COLGALT1: variants seen among roughly 807,000 people sequenced by gnomAD.
COLGALT1 encodes the protein collagen beta(1-O)galactosyltransferase 1.
COLGALT1 carries 43 observed loss-of-function variants against 60.8 expected under a neutral mutation model. The ratio of observed to expected loss-of-function variants is 0.71; its 90% CI spans 0.55 to 0.91. The LOEUF is 0.91. COLGALT1 is among the 40% of genes least tolerant of loss of function. COLGALT1 has a pLI of 0.00. For missense variants in COLGALT1, 845 were observed against 880.0 expected, an observed-to-expected ratio of 0.96 and a Z score of 0.50; for synonymous variants, 369 against 374.2, an observed-to-expected ratio of 0.99 and a Z score of 0.16.
intron 3 of COLGALT1, among the ~76,000 whole-genome samples, chr19:17,563,787 C>G (rs1027545020): frequency 7.2e-5 from 11 of 152,082 alleles, no homozygotes; most frequent in Non-Finnish European, 1.0e-4. Context: ...AGCCACTGCG[C>G]CTGGTCACAA....
At chr19:17,578,286 T>C (rs942584729) in intron 9 of COLGALT1, among the ~76,000 whole-genome samples, 197 bp downstream of exon 9, 4 of 152,108 alleles carry the variant, frequency 2.6e-5, no homozygotes. Context: ...CATCCTTCCA[T>C]TGCGCAAATG....
At chr19:17,564,039 C>T (rs1243913492) in intron 3 of COLGALT1, among the ~76,000 whole-genome samples, 1 of 146,496 alleles carries the variant, frequency 6.8e-6, no homozygotes, top group Non-Finnish European at 1.5e-5. Flanking sequence ...AGTTCAAAAC[C>T]AGCCTGGGCA....
chr19:17,559,250 C>A, intron 1 of COLGALT1, 61 bp from the exon 2 acceptor site: 1 of 1,244,610 alleles, frequency 8.0e-7, no homozygotes, highest in Non-Finnish European at 1.2e-6. Context: ...TGACTTGCCT[C>A]ACTGCTGCCT....
chr19:17,563,236 G>A (rs2076259766), intron 3 of COLGALT1, among the ~76,000 whole-genome samples: 1 of 147,944 alleles, frequency 6.8e-6, no homozygotes, highest in African/African-American at 2.5e-5. Flanking sequence ...TGTCGCCCAG[G>A]CTGGAGTGCA....
chr19:17,572,604 T>G lies in COLGALT1; in HGVS notation c.949+2T>G. 1 of 1,613,744 alleles carries G rather than the reference T, an allele frequency of 6.2e-7. No individual in the cohort carries two copies. The highest frequency in any genetic ancestry group is 8.5e-7 in the Non-Finnish European group (1 of 1,179,996). ...TGCATGTGCAGCTGGAGGTCATGGG[T>G]GAGTCTGCCTGCACACCGCCCTGGG... On this transcript the variant is annotated splice_donor_variant, in intron 6 of 11. Coordinates refer to ENST00000252599, the MANE Select transcript of COLGALT1 (RefSeq NM_024656.4). LOFTEE classifies it high-confidence loss of function.
intron 11 of COLGALT1, 94 bp downstream of exon 11, chr19:17,580,999 C>T: frequency 1.3e-6 from 2 of 1,488,064 alleles, no homozygotes; most frequent in Non-Finnish European, 1.8e-6. Flanking sequence ...GAGAAGATGT[C>T]TCTTCTTTTG....
rs1244119303 is a variant in COLGALT1, at chr19:17,568,721, C to T, written c.829+8C>T. 1 of 1,613,850 alleles carries T rather than the reference C, an allele frequency of 6.2e-7. No homozygotes were observed. The highest frequency in any genetic ancestry group is 8.5e-7 in the Non-Finnish European group (1 of 1,179,756). The stretch of plus-strand genomic sequence containing the variant: ...TCTCCTGCAAGCAGGCAGGTACGTA[C>T]ATGAGGGGTCTGCCATCGCAGGGGC... On this transcript the variant is annotated splice_region_variant and intron_variant, in intron 5 of 11. Coordinates refer to ENST00000252599, the MANE Select transcript of COLGALT1 (RefSeq NM_024656.4).
At chr19:17,562,082 G>T (rs1356976631) in intron 3 of COLGALT1, among the ~76,000 whole-genome samples, 5 of 152,188 alleles carry the variant, frequency 3.3e-5, no homozygotes, top group Non-Finnish European at 5.9e-5. Flanking sequence ...TGTTGGCCAG[G>T]CTGGTCTCTA....
intron 6 of COLGALT1, among the ~76,000 whole-genome samples, chr19:17,576,089 T>C (rs1453710939): frequency 6.6e-6 from 1 of 152,220 alleles, no homozygotes; most frequent in Non-Finnish European, 1.5e-5. Flanking sequence ...ATTTCTTGGT[T>C]CATTCTACAA....
chr19:17,577,538 G>C, intron 8 of COLGALT1, 71 bp downstream of exon 8: 2 of 1,328,860 alleles, frequency 1.5e-6, no homozygotes, highest in Non-Finnish European at 2.0e-6. Flanking sequence ...GCTGGTAGAC[G>C]GCAAGTGATT....
intron 6 of COLGALT1, among the ~76,000 whole-genome samples, chr19:17,573,819 A>G (rs370503387): frequency 2.6e-5 from 4 of 151,870 alleles, no homozygotes; most frequent in Middle Eastern, 3.4e-3. Context: ...TTTACCAAAA[A>G]AAAATAACAA....
At chr19:17,580,363 G>A (rs2076372746) in intron 10 of COLGALT1, 2 of 403,238 alleles carry the variant, frequency 5.0e-6, no homozygotes, top group Non-Finnish European at 4.6e-6. Flanking sequence ...CTCCATTCCT[G>A]ACTGCCCCCC....
intron 3 of COLGALT1, chr19:17,566,155 A>T (rs2076278601): frequency 6.6e-6 from 1 of 152,100 alleles, no homozygotes. Context: ...ACTTGAAATC[A>T]AGAGTTCGAG....
Position 17,578,079 on chromosome 19 carries a change from T to G in COLGALT1, c.1256T>G (p.Ile419Ser). 2 of 1,607,586 alleles carry G rather than the reference T, an allele frequency of 1.2e-6. No individual in the cohort carries two copies. The highest frequency in any genetic ancestry group is 8.5e-7 in the Non-Finnish European group (1 of 1,177,262). Residue 419 changes from isoleucine to serine, a missense_variant, in exon 9 of 12, where the codon ATC (isoleucine) becomes AGC (serine). Physicochemically the swap from Ile to Ser is moderately radical, Grantham distance 142. Transcript: ENST00000252599. ...ELGCFLSHYN[I>S]WKEVVDRGLQ... is the part of the protein sequence containing the mutation. ...GGCTGCTTCCTGAGCCACTACAACA[T>G]CTGGAAGGAGGTGTGTCCTGAGTGA...
At chr19:17,581,110 T>A in intron 11 of COLGALT1, 67 bp from the exon 12 acceptor site, 1 of 1,558,548 alleles carries the variant, frequency 6.4e-7, no homozygotes, top group Non-Finnish European at 8.7e-7. Flanking sequence ...TCACCCCCAA[T>A]TTTTCCTCCA....
chr19:17,573,840 G>T (rs1397894516), intron 6 of COLGALT1, among the ~76,000 whole-genome samples: 1 of 151,606 alleles, frequency 6.6e-6, no homozygotes, highest in Non-Finnish European at 1.5e-5. Flanking sequence ...AAATTAGCCA[G>T]GCGTGATGGC....
intron 6 of COLGALT1, among the ~76,000 whole-genome samples, chr19:17,576,574 G>C (rs918717769): frequency 6.7e-6 from 1 of 150,094 alleles, no homozygotes; most frequent in Non-Finnish European, 1.5e-5. Flanking sequence ...GCTGAGAGTC[G>C]GGGCTGGGAG....
intron 9 of COLGALT1, among the ~76,000 whole-genome samples, chr19:17,578,342 G>T (rs994954895): frequency 4.6e-5 from 7 of 152,292 alleles, no homozygotes; most frequent in Middle Eastern, 3.4e-3. Context: ...TGAGCAGCAG[G>T]TGGTGTCTGG....
At position 17,560,357 on chromosome 19, in the gene COLGALT1, G is replaced by C. The variant is rs146187805; in HGVS notation, c.381G>C (p.Pro127=). The change falls in exon 3 of 12, where the codon CCG becomes CCC. Residue 127 remains proline, a synonymous_variant. Transcript: ENST00000252599. The part of the protein sequence containing the change: ...WRPAEEPRSY[P]DEEGPKHWSD... Reference sequence around the variant, plus strand: ...AGCTGCCTCCCCATAGGTCCTACCCGGACGAGGAAGGCCCGAAACACTGGT... The same window carrying C: ...AGCTGCCTCCCCATAGGTCCTACCCCGACGAGGAAGGCCCGAAACACTGGT... The C allele has an allele frequency of 6.2e-7, 1 of 1,613,930 alleles. No homozygotes were observed. Among genetic ancestry groups the C allele is most frequent in the Non-Finnish European group, 8.5e-7 (1 of 1,179,970 alleles).
Sources: allele counts gnomAD v4.1 joint callset (sites outside exome capture counted in the v4.1 genomes callset), GRCh38; gene constraint gnomAD v4.1.1; transcripts MANE v1.5; gene names NCBI Gene and HGNC (gene_info 2026-07-23, HGNC 2026-07-21).